VPS36: variants seen among roughly 807,000 people sequenced by gnomAD.
VPS36 encodes the protein vacuolar protein-sorting-associated protein 36.
In VPS36, 31 loss-of-function variants were observed where a neutral mutation model predicts 63.5. The observed-to-expected ratio is 0.49, with a 90% CI of 0.37 to 0.66. VPS36 has a LOEUF of 0.66. VPS36 is among the 30% of genes least tolerant of loss of function. The pLI, the probability that VPS36 is intolerant of heterozygous loss-of-function variation, is 0.00. For missense variants in VPS36, 338 were observed against 463.7 expected (o/e 0.73, Z 2.49); for synonymous variants, 138 against 157.2 (o/e 0.88, Z 0.91).
intron 1 of VPS36, among the ~76,000 whole-genome samples, chr13:52,443,978 G>C (rs542543438): frequency 6.6e-6 from 1 of 152,164 alleles, no homozygotes; most frequent in South Asian, 2.1e-4. Flanking sequence ...GGAATATCCA[G>C]TTATTTTAAA....
intron 2 of VPS36, among the ~76,000 whole-genome samples, chr13:52,440,555 C>T (rs1056605495): frequency 2.0e-5 from 3 of 151,712 alleles, no homozygotes; most frequent in Non-Finnish European, 2.9e-5. Context: ...AGCCTCCCAA[C>T]GTGCTGGGAT....
intron 2 of VPS36, among the ~76,000 whole-genome samples, chr13:52,440,556 G>A (rs531514975): frequency 4.1e-4 from 62 of 151,976 alleles, no homozygotes; most frequent in African/African-American, 1.1e-3. Flanking sequence ...GCCTCCCAAC[G>A]TGCTGGGATT....
At chr13:52,422,487 C>T (rs193243159) in intron 10 of VPS36, among the ~76,000 whole-genome samples, 1 of 152,282 alleles carries the variant, frequency 6.6e-6, no homozygotes, top group Non-Finnish European at 1.5e-5. Flanking sequence ...CAGATTATTT[C>T]ATTGCCTAGG....
At chr13:52,431,677 C>T (rs865848146) in intron 6 of VPS36, among the ~76,000 whole-genome samples, 6 of 149,654 alleles carry the variant, frequency 4.0e-5, no homozygotes, top group Non-Finnish European at 5.9e-5. Context: ...GCAGGAGAAT[C>T]GCTTGAATCC....
At chr13:52,445,980 T>G (rs529375095) in intron 1 of VPS36, among the ~76,000 whole-genome samples, 4,351 of 72,962 alleles carry the variant, frequency 0.06, 113 homozygotes, top group Middle Eastern at 0.12. Context: ...GCCGGGCACC[T>G]TGGCTCACGC....
chr13:52,432,364 A>G (rs1208975206), intron 6 of VPS36, among the ~76,000 whole-genome samples: 1 of 151,856 alleles, frequency 6.6e-6, no homozygotes, highest in African/African-American at 2.4e-5. Flanking sequence ...AAACAAAACA[A>G]AACAAAACAA....
At chr13:52,432,509 A>G (rs539841773) in intron 6 of VPS36, among the ~76,000 whole-genome samples, 5 of 152,356 alleles carry the variant, frequency 3.3e-5, no homozygotes, top group African/African-American at 1.2e-4. Context: ...TAAGGGAAAC[A>G]TTTCTTTAAA....
intron 2 of VPS36, among the ~76,000 whole-genome samples, chr13:52,440,862 T>C (rs1958269144): frequency 6.6e-6 from 1 of 152,168 alleles, no homozygotes; most frequent in Non-Finnish European, 1.5e-5. Context: ...ACCAGTTTCA[T>C]GGAAGACAGT....
rs540985346 is a variant in VPS36 at position 52,447,966 on chromosome 13, A to G, written c.96+2533T>C. Among the ~76,000 whole-genome samples, 10 of 152,290 alleles carry G rather than the reference A, an allele frequency of 6.6e-5. No homozygotes were observed. The South Asian group carries it at 2.1e-3, about 32-fold the overall frequency. ...CTGTATCTCTTGGCGTTACTTTCTC[A>G]TTCAGTAAAATACCTCATATTCTGA... On this transcript the variant is annotated intron_variant, in intron 1 of 13. Coordinates refer to ENST00000378060, the MANE Select transcript of VPS36 (RefSeq NM_016075.4).
intron 3 of VPS36, among the ~76,000 whole-genome samples, chr13:52,438,024 G>T (rs1958236751): frequency 6.6e-6 from 1 of 152,118 alleles, no homozygotes; most frequent in Admixed American, 6.5e-5. Flanking sequence ...ATAACTGTTT[G>T]AGGGGAGGGG....
rs1428287356 is a variant in VPS36 at position 52,442,374 on chromosome 13, T to C, written c.165+3A>G. On this transcript the variant is annotated splice_donor_region_variant and intron_variant, in intron 2 of 13. Transcript: ENST00000378060. ...ACAACAGATGCAAAAAACTGTATCT[T>C]ACATGATTTTTCTGATCTCTCCAAA... 6.2e-7 allele frequency: 1 copy of C among 1,602,836 alleles called. No homozygotes were observed. Among genetic ancestry groups the C allele is most frequent in the African/African-American group, 1.3e-5 (1 of 74,286 alleles).
intron 9 of VPS36, chr13:52,425,726 T>C: frequency 2.2e-6 from 1 of 458,460 alleles, no homozygotes; most frequent in Non-Finnish European, 3.6e-6. Context: ...AAGTTATAGA[T>C]GTCAAAAATG....
Position 52,415,702 on chromosome 13 carries a change from G to C in VPS36, c.*128C>G. 1 of 892,024 alleles carries C rather than the reference G, an allele frequency of 1.1e-6. No individual in the cohort carries two copies. The highest frequency in any genetic ancestry group is 1.8e-6 in the Non-Finnish European group (1 of 568,904). 55.3% of individuals were successfully genotyped at this position (892,024 alleles called of 1,614,324 possible). A position where few individuals can be genotyped will look rare whatever the true frequency, so the allele number is the denominator to read the frequency against. On this transcript the variant is annotated 3_prime_UTR_variant, in exon 14 of 14. Coordinates refer to ENST00000378060, the MANE Select transcript of VPS36 (RefSeq NM_016075.4). ...GACCATATTTAGTGAGAAATTAAAAGAGATTTACATTGCACTGTGAAGTTC... is the reference window on the plus strand; with the variant it reads ...GACCATATTTAGTGAGAAATTAAAACAGATTTACATTGCACTGTGAAGTTC...
intron 9 of VPS36, 63 bp downstream of exon 9, chr13:52,425,869 T>G: frequency 6.7e-7 from 1 of 1,496,854 alleles, no homozygotes; most frequent in Non-Finnish European, 8.9e-7. Context: ...CTTGTTAACA[T>G]TTCTAATGAC....
At position 52,416,011 on chromosome 13, in the gene VPS36, A is replaced by T; in HGVS notation, c.1067+6T>A. ...CATTGTAATGAAAGGTAAGAACCTT[A>T]CTTACCTTTCTTTGGCTAGGAGGAC... is the stretch of plus-strand genomic sequence containing the variant. On this transcript the variant is annotated splice_donor_region_variant and intron_variant, in intron 13 of 13. Transcript: ENST00000378060. 1.9e-6 allele frequency: 3 copies of T among 1,613,338 alleles called. No individual in the cohort carries two copies. The highest frequency in any genetic ancestry group is 2.5e-6 in the Non-Finnish European group (3 of 1,179,388).
chr13:52,416,949 A>G, intron 12 of VPS36, 108 bp downstream of exon 12: 1 of 897,660 alleles, frequency 1.1e-6, no homozygotes. Flanking sequence ...TGTGAATGTT[A>G]CTTTTTCAGT....
At chr13:52,449,563 T>C (rs1156885874) in intron 1 of VPS36, among the ~76,000 whole-genome samples, 2 of 152,130 alleles carry the variant, frequency 1.3e-5, no homozygotes, top group Non-Finnish European at 2.9e-5. Flanking sequence ...TATATCAAAG[T>C]ACAGCGGAAA....
In VPS36 at chr13:52,432,345, T is replaced by C. The variant is rs192514297; in HGVS notation, c.528+1317A>G. Among the ~76,000 whole-genome samples the C allele has an allele frequency of 7.4e-3, 1,122 of 152,112 alleles. 6 individuals carry two copies. Among genetic ancestry groups the C allele is most frequent in the African/African-American group, 0.017 (699 of 41,516 alleles). On this transcript the variant is annotated intron_variant, in intron 6 of 13. Transcript: ENST00000378060. ...CAGCCTGGGCGACAGAGCAAGACTC[T>C]GTCTCAAAAAACAAAACAAAACAAA...
chr13:52,420,419 A>C (rs1262766423), intron 10 of VPS36, among the ~76,000 whole-genome samples: 1 of 150,570 alleles, frequency 6.6e-6, no homozygotes, highest in Non-Finnish European at 1.5e-5. Context: ...TGCAATCTCC[A>C]CCTCCCTACT....
Sources: allele counts gnomAD v4.1 joint callset (sites outside exome capture counted in the v4.1 genomes callset), GRCh38; gene constraint gnomAD v4.1.1; transcripts MANE v1.5; gene names NCBI Gene and HGNC (gene_info 2026-07-23, HGNC 2026-07-21).